PHC3: variants seen among roughly 807,000 people sequenced by gnomAD.
The protein encoded by PHC3 is polyhomeotic-like protein 3.
PHC3 carries 13 observed loss-of-function variants against 107.4 expected under a neutral mutation model. The ratio of observed to expected loss-of-function variants is 0.12; its 90% CI spans 0.08 to 0.19. The LOEUF (loss-of-function observed/expected upper bound fraction) is 0.19, where lower values mean the gene tolerates loss of function less well. Among genes scored for constraint, PHC3 ranks in the 10% least tolerant of loss-of-function variants. The pLI is 1.00. For missense variants in PHC3, 992 were observed against 1,210.9 expected, an observed-to-expected ratio of 0.82 and a Z score of 2.68; for synonymous variants, 456 against 427.4, an observed-to-expected ratio of 1.07 and a Z score of -0.83.
chr3:170,116,817 A>G (rs900342931), intron 10 of PHC3, among the ~76,000 whole-genome samples: 2 of 152,046 alleles, frequency 1.3e-5, no homozygotes, highest in African/African-American at 4.8e-5. Context: ...TGGCTGAGGT[A>G]GAAGAATCAA....
At position 170,102,526 on chromosome 3, in the gene PHC3, G is replaced by T. The variant is rs1286567943; in HGVS notation, c.2786C>A (p.Ser929Tyr). 1 of 1,613,782 alleles carries T rather than the reference G, an allele frequency of 6.2e-7. No homozygotes were observed. Among genetic ancestry groups the T allele is most frequent in the Non-Finnish European group, 8.5e-7 (1 of 1,179,828 alleles). ...DLLPVAQTEP[S>Y]IWTVDDVWAF... ...CCAGACATCATCAACTGTCCATATA[G>T]ATGGCTCTGTTTGTGCAACTGGTAG... Residue 929 changes from serine (S) to tyrosine (Y), a missense_variant, in exon 14 of 15, where the codon TCT becomes TAT. By Grantham distance (144) the Ser-to-Tyr change is moderately radical. This residue lies in a region of PHC3 where 228 missense variants were observed against 288.8 expected (regional missense o/e 0.79). Transcript: ENST00000495893.
rs1002238929 is a variant in PHC3 at position 170,097,841 on chromosome 3, G to C, written c.2834-457C>G. On this transcript the variant is annotated intron_variant, in intron 14 of 14. Coordinates refer to ENST00000495893, the MANE Select transcript of PHC3 (RefSeq NM_024947.4). The surrounding 1 kb of genome is among the most constrained non-coding windows in gnomAD (Gnocchi z 4.1). ...TAACAATCTAGAAATATTTTCTCAA[G>C]TAAGTACCACTTTCATTATCATTTG... is the stretch of plus-strand genomic sequence containing the variant. Among the ~76,000 whole-genome samples the C allele has an allele frequency of 6.6e-6, 1 of 152,082 alleles. No individual in the cohort carries two copies. The highest frequency in any genetic ancestry group is 1.5e-5 in the Non-Finnish European group (1 of 68,026).
Position 170,125,925 on chromosome 3 carries a change from TA to T in PHC3, c.1788+2758del, listed in dbSNP as rs201314673. 2,580 of 901,942 alleles carry T rather than the reference TA, an allele frequency of 2.9e-3. 50 individuals are homozygous for T. The African/African-American group carries it at 0.043, about 15-fold the overall frequency. The allele number at this position is 901,942 out of a possible 1,614,324, so 55.9% of individuals were successfully genotyped here. A position where few individuals can be genotyped will look rare whatever the true frequency, so the allele number is the denominator to read the frequency against. On this transcript the variant is annotated intron_variant, in intron 8 of 14. Transcript: ENST00000495893. Reference sequence around the variant, plus strand: ...ACAATTACTGTTTAGCTCATAACTATAACTATTCTAAAAATAACAAAGACTG... The same window carrying T: ...ACAATTACTGTTTAGCTCATAACTATACTATTCTAAAAATAACAAAGACTG...
intron 4 of PHC3, among the ~76,000 whole-genome samples, chr3:170,167,980 G>C (rs990122646): frequency 2.0e-5 from 3 of 151,884 alleles, no homozygotes; most frequent in African/African-American, 7.3e-5. Context: ...GGGGAACACA[G>C]CGAGACCTCA....
rs1715731679 is a variant in PHC3 at position 170,102,806 on chromosome 3, C to T, written c.2597G>A (p.Arg866Lys). The T allele has an allele frequency of 3.1e-6, 5 of 1,613,762 alleles. No individual in the cohort carries two copies. The highest frequency in any genetic ancestry group is 1.7e-5 in the Admixed American group (1 of 59,988). ...TGAAGCAAGGTTTATACAGACCTGC[C>T]TAAGGATATGTTCTCTCGCTGCCCC... ...PDGAAREHIL[R>K]QLPITYPSAE... Residue 866 changes from arginine (R) to lysine (K), a missense_variant, in exon 13 of 15, where the codon AGG (arginine) becomes AAG (lysine). Arg to Lys is a conservative substitution (Grantham distance 26, BLOSUM62 2). Around this residue, in one of 6 missense-constraint regions of PHC3, gnomAD observed 228 missense variants for 288.8 expected, o/e 0.79. Transcript: ENST00000495893.
intron 8 of PHC3, chr3:170,128,427 G>A (rs1249158612): frequency 5.3e-6 from 7 of 1,314,728 alleles, no homozygotes; most frequent in South Asian, 1.4e-5. Flanking sequence ...ATAGCAGATG[G>A]ATTTGTTTAA....
intron 6 of PHC3, among the ~76,000 whole-genome samples, chr3:170,138,013 A>ACGGC (rs1313510064): frequency 6.6e-6 from 1 of 151,528 alleles, no homozygotes; most frequent in Non-Finnish European, 1.5e-5. Context: ...CCTCACCAAC[A>ACGGC]CGGCAAACCT....
intron 4 of PHC3, among the ~76,000 whole-genome samples, chr3:170,156,683 C>T (rs926675845): frequency 3.9e-5 from 6 of 151,978 alleles, no homozygotes; most frequent in African/African-American, 1.2e-4. Context: ...CTGCAAACTC[C>T]GCCTCCTGGG....
At chr3:170,156,041 T>G (rs1726844809) in intron 4 of PHC3, among the ~76,000 whole-genome samples, 1 of 152,192 alleles carries the variant, frequency 6.6e-6, no homozygotes. Flanking sequence ...TTATAAATAG[T>G]ATTGCCTCAT....
At position 170,107,833 on chromosome 3, in the gene PHC3, T is replaced by C. The variant is rs566501100; in HGVS notation, c.2354-887A>G. Among the ~76,000 whole-genome samples, 926 of 152,244 alleles carry C rather than the reference T, an allele frequency of 6.1e-3. 4 individuals are homozygous for C. Among genetic ancestry groups the C allele is most frequent in the Non-Finnish European group, 0.01 (707 of 68,004 alleles). ...GCAGTAACACAAAGCGCAAAGACCC[T>C]TCCATGCTAAATCCCCGGGTACTCG... On this transcript the variant is annotated intron_variant, in intron 11 of 14. Coordinates refer to ENST00000495893, the MANE Select transcript of PHC3 (RefSeq NM_024947.4).
chr3:170,123,800 A>G (rs1228914771), intron 8 of PHC3, among the ~76,000 whole-genome samples: 1 of 152,084 alleles, frequency 6.6e-6, no homozygotes, highest in Non-Finnish European at 1.5e-5. Context: ...CTCAAAAAAA[A>G]GAAAAAGGAA....
At chr3:170,142,273 G>A (rs1264370436) in intron 6 of PHC3, among the ~76,000 whole-genome samples, 1 of 151,988 alleles carries the variant, frequency 6.6e-6, no homozygotes, top group Non-Finnish European at 1.5e-5. Context: ...AATTGAAACT[G>A]AGGTGAGAGG....
chr3:170,099,161 G>A (rs1482729548), intron 14 of PHC3, among the ~76,000 whole-genome samples: 1 of 152,198 alleles, frequency 6.6e-6, no homozygotes, highest in African/African-American at 2.4e-5. Context: ...GAAACAAGGA[G>A]TTCTCCATGA....
intron 4 of PHC3, among the ~76,000 whole-genome samples, chr3:170,157,199 A>G (rs1280959903): frequency 6.6e-6 from 1 of 152,230 alleles, no homozygotes; most frequent in Non-Finnish European, 1.5e-5. Flanking sequence ...GTCTGCAAAC[A>G]TAAAAAGATC....
intron 2 of PHC3, among the ~76,000 whole-genome samples, chr3:170,174,121 A>T (rs537568840): frequency 1.1e-3 from 171 of 152,224 alleles, no homozygotes; most frequent in African/African-American, 3.9e-3. Context: ...TGAACCCAGG[A>T]GGTGGAGGCT....
rs1389339387 is a variant in PHC3, at chr3:170,125,886, G to T, written c.1788+2798C>A. 5.0e-6 allele frequency: 3 copies of T among 599,544 alleles called. No homozygotes were observed. The African/African-American group carries it at 6.0e-5, about 12-fold the overall frequency. The allele number at this position is 599,544 out of a possible 1,614,324, so 37.1% of individuals were successfully genotyped here. On this transcript the variant is annotated intron_variant, in intron 8 of 14. Transcript: ENST00000495893. ...GTTTTGCTCACTCACAAGATCATTAGGAAACTGCACATCACAATTACTGTT... is the reference window on the plus strand; with the variant it reads ...GTTTTGCTCACTCACAAGATCATTATGAAACTGCACATCACAATTACTGTT...
At chr3:170,116,719 G>A (rs916743380) in intron 10 of PHC3, among the ~76,000 whole-genome samples, 2 of 151,936 alleles carry the variant, frequency 1.3e-5, no homozygotes, top group Non-Finnish European at 1.5e-5. Flanking sequence ...AAACCAGCCT[G>A]AGAAACACGG....
At position 170,090,089 on chromosome 3, in the gene PHC3, T is replaced by C. The variant is rs1318686483; in HGVS notation, c.*7141A>G. 3 of 152,058 alleles carry C rather than the reference T, an allele frequency of 2.0e-5. No homozygotes were observed. Among genetic ancestry groups the C allele is most frequent in the Admixed American group, 2.0e-4 (3 of 15,270 alleles). 9.4% of individuals were successfully genotyped at this position (152,058 alleles called of 1,614,324 possible). A position where few individuals can be genotyped will look rare whatever the true frequency, so the allele number is the denominator to read the frequency against. On this transcript the variant is annotated 3_prime_UTR_variant, in exon 15 of 15. Coordinates refer to ENST00000495893, the MANE Select transcript of PHC3 (RefSeq NM_024947.4). Reference sequence around the variant, plus strand: ...ATAATGTTGTGAAATACGGGCTGTCTCAACCTGTAAGTCCTTAATGTTAAG... The same window carrying C: ...ATAATGTTGTGAAATACGGGCTGTCCCAACCTGTAAGTCCTTAATGTTAAG...
chr3:170,126,307 T>A (rs1260076220), intron 8 of PHC3, among the ~76,000 whole-genome samples: 1 of 151,764 alleles, frequency 6.6e-6, no homozygotes, highest in African/African-American at 2.4e-5. Flanking sequence ...GCTATGTTAC[T>A]CAAAGAAAGG....
Sources: allele counts gnomAD v4.1 joint callset (sites outside exome capture counted in the v4.1 genomes callset), GRCh38; gene constraint gnomAD v4.1.1; regional missense constraint gnomAD v4.1.1; non-coding constraint Gnocchi (gnomAD v3.1); transcripts MANE v1.5; gene names NCBI Gene and HGNC (gene_info 2026-07-23, HGNC 2026-07-21).